Variants in RNF144A observed in about 807,000 individuals in gnomAD.
RNF144A encodes E3 ubiquitin-protein ligase RNF144A.
Under a neutral mutation model 38.7 loss-of-function variants are expected in RNF144A, and 11 were observed. That is an observed-to-expected ratio of 0.28 (90% confidence interval 0.18 to 0.47). The LOEUF (loss-of-function observed/expected upper bound fraction) is 0.47, where lower values mean the gene tolerates loss of function less well. RNF144A is among the 20% of genes least tolerant of loss of function. The pLI is 0.99. For synonymous variants in RNF144A, 149 were observed against 143.9 expected (o/e 1.04, Z -0.25); for missense variants, 316 against 377.2 (o/e 0.84, Z 1.34).
In RNF144A at chr2:6,943,889, G is replaced by A. The variant is rs1666172543; in HGVS notation, c.-12+2742G>A. Among the ~76,000 whole-genome samples the A allele has an allele frequency of 6.6e-6, 1 of 152,150 alleles. No homozygotes were observed. The highest frequency in any genetic ancestry group is 1.5e-5 in the Non-Finnish European group (1 of 68,034). On this transcript the variant is annotated intron_variant, in intron 2 of 8. Transcript: ENST00000320892. The surrounding 1 kb of genome is among the most constrained non-coding windows in gnomAD (Gnocchi z 4.3). The stretch of plus-strand genomic sequence containing the variant: ...TCTAGAGAGATGGAGGTGCAGAGCG[G>A]TCACCTGAAGCATTCACAGCCCACT...
rs769688067 is a variant in RNF144A, at chr2:7,040,994, C to T, written c.*1234C>T. ...CAGGATGCAGGGATTAATAAGGACA[C>T]ATACACATTATTCCACCAATTGACT... On this transcript the variant is annotated 3_prime_UTR_variant, in exon 9 of 9. Transcript: ENST00000320892. The T allele has an allele frequency of 3.1e-5, 31 of 985,030 alleles. No homozygotes were observed. Among genetic ancestry groups the T allele is most frequent in the Non-Finnish European group, 3.7e-5 (31 of 829,682 alleles). The allele number at this position is 985,030 out of a possible 1,614,324, so 61.0% of individuals were successfully genotyped here.
At chr2:7,062,497 T>TAAAAAAAAAA (rs70942688) in intron 6 of RNF144A, among the ~76,000 whole-genome samples, 11 of 113,450 alleles carry the variant, frequency 9.7e-5, no homozygotes, top group African/African-American at 1.4e-4. Flanking sequence ...TGCTGGGTGC[T>TAAAAAAAAAA]AAAAAAAAAA....
In RNF144A at chr2:7,024,435, C is replaced by T. The variant is rs762873762; in HGVS notation, c.576C>T (p.Ile192=). ...GCTGCCCCAAGTGCAAAGTCTACAT[C>T]GAGCGAGACGAAGGCTGCGCGCAGA... ...IKRCPKCKVY[I]ERDEGCAQMM... Residue 192 remains isoleucine (I), a synonymous_variant, in exon 7 of 9, where the codon ATC becomes ATT. Transcript: ENST00000320892. 1.2e-5 allele frequency: 19 copies of T among 1,613,080 alleles called. No homozygotes were observed. The highest frequency in any genetic ancestry group is 2.2e-5 in the South Asian group (2 of 91,080).
intron 6 of RNF144A, among the ~76,000 whole-genome samples, chr2:7,065,330 CAG>C (rs1379922411): frequency 2.0e-5 from 3 of 152,190 alleles, no homozygotes; most frequent in Admixed American, 6.5e-5. Context: ...CAACTGAAGT[CAG>C]GGCCTGGAGC....
intron 3 of RNF144A, among the ~76,000 whole-genome samples, chr2:6,997,387 T>A (rs541252513): frequency 6.6e-6 from 1 of 152,248 alleles, no homozygotes; most frequent in African/African-American, 2.4e-5. Flanking sequence ...ATATCAAATG[T>A]ATTTTAATAG....
chr2:6,947,926 CTG>C (rs1666443146), intron 2 of RNF144A, among the ~76,000 whole-genome samples: 1 of 152,220 alleles, frequency 6.6e-6, no homozygotes, highest in South Asian at 2.1e-4. Flanking sequence ...GATGGGGAAA[CTG>C]TTCATAACGT....
rs143500233 is a variant in RNF144A, at chr2:6,942,345, G to A, written c.-12+1198G>A. On this transcript the variant is annotated intron_variant, in intron 2 of 8. Transcript: ENST00000320892. ...GTTGCAGAGGGTGGAGGACAAGGGT[G>A]TAAAATCCAGGAGACCATCTCAGAG... 2.7e-5 allele frequency among the ~76,000 whole-genome samples: 4 copies of A among 150,742 alleles called. No individual in the cohort carries two copies. In the East Asian group the frequency reaches 7.8e-4, roughly 29 times the overall value.
chr2:7,069,084 A>G (rs309263), downstream of RNF144A, among the ~76,000 whole-genome samples: 89,577 of 152,162 alleles, frequency 0.59, 26,847 homozygotes, highest in South Asian at 0.89. Flanking sequence ...GCCAATCAGC[A>G]CAGTCAGCCT....
intron 6 of RNF144A, among the ~76,000 whole-genome samples, chr2:7,051,359 G>A (rs1572482972): frequency 6.6e-6 from 1 of 152,170 alleles, no homozygotes; most frequent in East Asian, 1.9e-4. Context: ...AGCGGTAAGG[G>A]ACAGAGGGGA....
intron 7 of RNF144A, among the ~76,000 whole-genome samples, chr2:7,026,887 T>C (rs1289391749): frequency 6.6e-6 from 1 of 152,228 alleles, no homozygotes; most frequent in East Asian, 1.9e-4. Flanking sequence ...AGAGACATCA[T>C]CCTCATGGCC....
At chr2:6,945,716 CTT>C (rs200258772) in intron 2 of RNF144A, among the ~76,000 whole-genome samples, 6 of 144,116 alleles carry the variant, frequency 4.2e-5, no homozygotes, top group African/African-American at 5.0e-5. Flanking sequence ...TTTTTGTTGA[CTT>C]TTTTTTTTTT....
At chr2:7,044,611 C>A (rs1673228433), downstream of RNF144A, among the ~76,000 whole-genome samples, 1 of 152,046 alleles carries the variant, frequency 6.6e-6, no homozygotes, top group Non-Finnish European at 1.5e-5. Context: ...CATCCTTTAT[C>A]TGCTGGGGGT....
At chr2:6,935,464 C>T (rs577486557) in intron 1 of RNF144A, among the ~76,000 whole-genome samples, 2 of 152,190 alleles carry the variant, frequency 1.3e-5, no homozygotes, top group African/African-American at 2.4e-5. Flanking sequence ...TTTGGACATC[C>T]GAGGGCCCCA....
intron 6 of RNF144A, among the ~76,000 whole-genome samples, chr2:7,062,324 G>A (rs148335468): frequency 9.3e-4 from 141 of 152,192 alleles, no homozygotes; most frequent in African/African-American, 3.1e-3. Flanking sequence ...GGTGGTGGTC[G>A]TGTTTTTGTT....
In RNF144A at chr2:6,958,195, C is replaced by G. The variant is rs1005772527; in HGVS notation, c.-12+17048C>G. ...CCTGGAAGGTGGAACTTGATCACCA[C>G]TCTGCCTGGCCTCAGCAGTCCCTTC... On this transcript the variant is annotated intron_variant, in intron 2 of 8. Coordinates refer to ENST00000320892, the MANE Select transcript of RNF144A (RefSeq NM_014746.6). The surrounding 1 kb of genome is among the most constrained non-coding windows in gnomAD (Gnocchi z 4.5). 3.3e-5 allele frequency among the ~76,000 whole-genome samples: 5 copies of G among 152,244 alleles called. No homozygotes were observed. Among genetic ancestry groups the G allele is most frequent in the Admixed American group, 2.6e-4 (4 of 15,288 alleles).
chr2:6,953,853 C>T (rs562892166), intron 2 of RNF144A, among the ~76,000 whole-genome samples: 4 of 152,218 alleles, frequency 2.6e-5, no homozygotes, highest in East Asian at 3.9e-4. Context: ...TTTCTCAGTG[C>T]GTTGGTGTAC....
chr2:7,065,662 TATC>T (rs958680019), intron 6 of RNF144A, among the ~76,000 whole-genome samples: 1 of 152,250 alleles, frequency 6.6e-6, no homozygotes, highest in African/African-American at 2.4e-5. Context: ...ATTGCATAAT[TATC>T]ATAATGAACT....
chr2:6,993,353 G>A (rs975741233), intron 2 of RNF144A, among the ~76,000 whole-genome samples: 6 of 152,128 alleles, frequency 3.9e-5, no homozygotes, highest in African/African-American at 1.4e-4. Flanking sequence ...AGCCACTGGG[G>A]GCCAGATAGA....
chr2:7,021,998 A>T (rs1039853749), intron 6 of RNF144A, among the ~76,000 whole-genome samples: 19 of 152,378 alleles, frequency 1.2e-4, no homozygotes, highest in African/African-American at 3.4e-4. Flanking sequence ...AAATCAGAAG[A>T]TGTCACATAA....
Sources: allele counts gnomAD v4.1 joint callset (sites outside exome capture counted in the v4.1 genomes callset), GRCh38; gene constraint gnomAD v4.1.1; non-coding constraint Gnocchi (gnomAD v3.1); transcripts MANE v1.5; gene names NCBI Gene and HGNC (gene_info 2026-07-23, HGNC 2026-07-21).